The following ACTN4 variants were observed in gnomAD, a reference collection of about 807,000 sequenced individuals.
The protein encoded by ACTN4 is actinin alpha 4, also known as alpha-actinin-4.
ACTN4 carries 18 observed loss-of-function variants against 114.2 expected under a neutral mutation model. The ratio of observed to expected loss-of-function variants is 0.16; its 90% confidence interval spans 0.11 to 0.23. The LOEUF (loss-of-function observed/expected upper bound fraction) is 0.23, where lower values mean the gene tolerates loss of function less well. ACTN4 is among the 10% of genes least tolerant of loss of function. ACTN4 has a pLI of 1.00. For missense variants in ACTN4, 722 were observed against 1,262.9 expected, an observed-to-expected ratio of 0.57 and a Z score of 6.49; for synonymous variants, 515 against 506.3, an observed-to-expected ratio of 1.02 and a Z score of -0.23.
At chr19:38,666,117 A>G (rs569457865) in intron 1 of ACTN4, among the ~76,000 whole-genome samples, 50 of 152,140 alleles carry the variant, frequency 3.3e-4, no homozygotes, top group African/African-American at 1.0e-3. Flanking sequence ...GCCTCTTCCC[A>G]ACAGTGCTTC....
At chr19:38,654,518 C>A (rs138116138) in intron 1 of ACTN4, among the ~76,000 whole-genome samples, 3,774 of 150,236 alleles carry the variant, frequency 0.025, 78 homozygotes, top group Admixed American at 0.061. Context: ...GCTGAGATCA[C>A]GCCACTGCAC....
At chr19:38,651,977 G>T (rs558789146) in intron 1 of ACTN4, among the ~76,000 whole-genome samples, 1 of 151,978 alleles carries the variant, frequency 6.6e-6, no homozygotes, top group Non-Finnish European at 1.5e-5. Flanking sequence ...CAAGTGATCC[G>T]CCTGCCTCGG....
rs140463361 is a variant in ACTN4, at chr19:38,651,273, G to A, written c.162+3366G>A. Among the ~76,000 whole-genome samples the A allele has an allele frequency of 5.2e-3, 793 of 152,276 alleles. 4 individuals carry two copies. The highest frequency in any genetic ancestry group is 0.018 in the African/African-American group (761 of 41,542). The stretch of plus-strand genomic sequence containing the variant: ...CAGAGGGGACGTGTGTCTCACTTCT[G>A]CTTGGAAGCCCTTTGCTCTGACTTC... On this transcript the variant is annotated intron_variant, in intron 1 of 20. Coordinates refer to ENST00000252699, the MANE Select transcript of ACTN4 (RefSeq NM_004924.6).
chr19:38,709,452 A>T lies in ACTN4; in HGVS notation c.709A>T (p.Ile237Phe). The stretch of plus-strand genomic sequence containing the variant: ...CGAAGTGGCTGAGAAATACCTCGAC[A>T]TCCCCAAGATGCTGGATGCAGAGGG... ...AFEVAEKYLD[I>F]PKMLDAEDIV... Residue 237 changes from isoleucine to phenylalanine, a missense_variant, in exon 7 of 21, where the codon ATC becomes TTC. Ile to Phe is a conservative substitution (Grantham distance 21). Around this residue, in one of 3 missense-constraint regions of ACTN4, gnomAD observed 127 missense variants for 311.3 expected, o/e 0.41. Coordinates refer to ENST00000252699, the MANE Select transcript of ACTN4 (RefSeq NM_004924.6). The T allele has an allele frequency of 6.2e-7, 1 of 1,614,138 alleles. No homozygotes were observed. The highest frequency in any genetic ancestry group is 8.5e-7 in the Non-Finnish European group (1 of 1,179,972).
At chr19:38,682,652 G>A (rs531421397) in intron 1 of ACTN4, among the ~76,000 whole-genome samples, 6 of 152,256 alleles carry the variant, frequency 3.9e-5, no homozygotes, top group Non-Finnish European at 5.9e-5. Context: ...TTCTCCGCGC[G>A]AAATCTGGCT....
At chr19:38,682,072 C>A (rs1182985760) in intron 1 of ACTN4, among the ~76,000 whole-genome samples, 1 of 152,132 alleles carries the variant, frequency 6.6e-6, no homozygotes, top group African/African-American at 2.4e-5. Context: ...CTCAAGTGAT[C>A]CACCCACCTC....
chr19:38,721,011 G>A (rs999368107), intron 11 of ACTN4, among the ~76,000 whole-genome samples: 1 of 152,210 alleles, frequency 6.6e-6, no homozygotes, highest in African/African-American at 2.4e-5. Context: ...CCTGATGGTG[G>A]GCCCGCCCCA....
chr19:38,668,497 C>T (rs1347005564), intron 1 of ACTN4, among the ~76,000 whole-genome samples: 1 of 152,132 alleles, frequency 6.6e-6, no homozygotes, highest in Admixed American at 6.5e-5. Flanking sequence ...ACCATCCTGG[C>T]CAACATGGTG....
chr19:38,685,147 T>A (rs998886959), intron 1 of ACTN4, among the ~76,000 whole-genome samples: 1 of 152,170 alleles, frequency 6.6e-6, no homozygotes, highest in Non-Finnish European at 1.5e-5. Context: ...GGTTTCACCA[T>A]GTTGACCGGG....
rs546696864 is a variant in ACTN4, at chr19:38,725,659, C to T, written c.2011-65C>T. 88 of 1,572,298 alleles carry T rather than the reference C, an allele frequency of 5.6e-5. No individual in the cohort carries two copies. The East Asian group carries it at 1.0e-3, about 18-fold the overall frequency. On this transcript the variant is annotated intron_variant, in intron 16 of 20. Transcript: ENST00000252699. ...TGCAGGCCAGCAGCGCGAGTGGGCT[C>T]CTCCAGGTGGTCAGTGGGGGCAGGC...
At chr19:38,651,261 T>G (rs559634177) in intron 1 of ACTN4, among the ~76,000 whole-genome samples, 1 of 152,326 alleles carries the variant, frequency 6.6e-6, no homozygotes, top group South Asian at 2.1e-4. Flanking sequence ...AGGGGACGTG[T>G]GTCTCACTTC....
chr19:38,728,962 G>A, intron 19 of ACTN4, 34 bp from the exon 20 acceptor site: 2 of 1,611,468 alleles, frequency 1.2e-6, no homozygotes, highest in Non-Finnish European at 8.5e-7. Context: ...CCCACTAAAT[G>A]TCGGGTGTCC....
At chr19:38,710,411 C>G in intron 8 of ACTN4, 69 bp downstream of exon 8, 1 of 1,504,250 alleles carries the variant, frequency 6.6e-7, no homozygotes, top group Non-Finnish European at 9.2e-7. Flanking sequence ...TCTCGCCTCC[C>G]GTGCTCACCT....
In ACTN4 at chr19:38,673,737, T is replaced by TTATATA. The variant is rs1216299672; in HGVS notation, c.162+25832_162+25837dup. On this transcript the variant is annotated intron_variant, in intron 1 of 20. Coordinates refer to ENST00000252699, the MANE Select transcript of ACTN4 (RefSeq NM_004924.6). ...TATATTTATATATACTTATATATAT[T>TTATATA]TATATATTTATATATATTTTTATAT... Among the ~76,000 whole-genome samples the TTATATA allele has an allele frequency of 4.0e-5, 4 of 101,108 alleles. No individual in the cohort carries two copies. In the East Asian group the frequency reaches 7.9e-4, roughly 20 times the overall value. The allele number at this position is 101,108 out of a possible 152,430, so 66.3% of individuals were successfully genotyped here.
chr19:38,657,283 C>T (rs770934786), intron 1 of ACTN4, among the ~76,000 whole-genome samples: 3 of 152,106 alleles, frequency 2.0e-5, no homozygotes, highest in Non-Finnish European at 2.9e-5. Context: ...GCTGGGATTA[C>T]AGGCGCGCGC....
At position 38,731,075 on chromosome 19, in the gene ACTN4, CCCAT is replaced by C; in HGVS notation, c.*1644_*1647del. The C allele has an allele frequency of 6.3e-7, 1 of 1,587,984 alleles. No individual in the cohort carries two copies. The highest frequency in any genetic ancestry group is 8.6e-7 in the Non-Finnish European group (1 of 1,168,142). On this transcript the variant is annotated 3_prime_UTR_variant, in exon 21 of 21. Coordinates refer to ENST00000252699, the MANE Select transcript of ACTN4 (RefSeq NM_004924.6). ...CCCACCAGTCCCCGTACCCCTTCCC[CCCAT>C]GCCCCACCATGCCGGGGTGGTACTC...
Position 38,729,052 on chromosome 19 carries a change from T to C in ACTN4, c.2475T>C (p.Leu825=), listed in dbSNP as rs1969373866. 3 of 1,613,448 alleles carry C rather than the reference T, an allele frequency of 1.9e-6. No homozygotes were observed. Among genetic ancestry groups the C allele is most frequent in the Non-Finnish European group, 2.5e-6 (3 of 1,180,006 alleles). The change falls in exon 20 of 21, where the codon CTT becomes CTC. Residue 825 remains leucine, a synonymous_variant. Transcript: ENST00000252699. The part of the protein sequence containing the change: ...MSLVDPNHSG[L]VTFQAFIDFM... ...TGGTCGACCCCAACCATAGCGGCCT[T>C]GTGACCTTCCAAGCCTTCATCGACT...
At chr19:38,729,212 A>G in intron 20 of ACTN4, 58 bp downstream of exon 20, 1 of 1,612,352 alleles carries the variant, frequency 6.2e-7, no homozygotes, top group South Asian at 1.1e-5. Context: ...CTGCAGTGGG[A>G]GGGGCTGAGG....
In ACTN4 at chr19:38,725,919, G is replaced by C; in HGVS notation, c.2190+16G>C. 1.2e-6 allele frequency: 2 copies of C among 1,613,200 alleles called. No individual in the cohort carries two copies. Among genetic ancestry groups the C allele is most frequent in the South Asian group, 2.2e-5 (2 of 91,054 alleles). On this transcript the variant is annotated intron_variant, in intron 17 of 20. Coordinates refer to ENST00000252699, the MANE Select transcript of ACTN4 (RefSeq NM_004924.6). ...TACCATGGAGGTGCGCGGCTGCCCCGCCCGCTGGCCTTTCCACCAGCATGG... is the reference window on the plus strand; with the variant it reads ...TACCATGGAGGTGCGCGGCTGCCCCCCCCGCTGGCCTTTCCACCAGCATGG...
Sources: gnomAD v4.1 joint callset for allele counts (sites outside exome capture counted in the v4.1 genomes callset) on GRCh38, gnomAD v4.1.1 for gene constraint, gnomAD v4.1.1 regional missense constraint, MANE v1.5 for transcripts, NCBI Gene and HGNC (gene_info 2026-07-23, HGNC 2026-07-21) for gene names.